Variants in PKNOX2 observed in about 807,000 individuals in gnomAD.
The protein encoded by PKNOX2 is PBX/knotted 1 homeobox 2.
Under a neutral mutation model 53.1 loss-of-function variants are expected in PKNOX2, and 14 were observed. The ratio of observed to expected loss-of-function variants is 0.26; its 90% confidence interval spans 0.17 to 0.41. The LOEUF (loss-of-function observed/expected upper bound fraction) is 0.41, where lower values mean the gene tolerates loss of function less well. Among genes scored for constraint, PKNOX2 ranks in the 10% least tolerant of loss-of-function variants. The pLI, the probability that PKNOX2 is intolerant of heterozygous loss-of-function variation, is 1.00. For missense variants in PKNOX2, 496 were observed against 602.8 expected (o/e 0.82, Z 1.85); for synonymous variants, 257 against 242.8 (o/e 1.06, Z -0.54).
chr11:125,404,920 C>T (rs1255352943), intron 7 of PKNOX2, among the ~76,000 whole-genome samples: 1 of 152,226 alleles, frequency 6.6e-6, no homozygotes, highest in Non-Finnish European at 1.5e-5. Context: ...TCAGGACAAG[C>T]TTTCCAGCAG....
intron 7 of PKNOX2, among the ~76,000 whole-genome samples, chr11:125,407,259 G>A (rs1252072776): frequency 1.3e-5 from 2 of 152,338 alleles, no homozygotes; most frequent in East Asian, 1.9e-4. Flanking sequence ...AATTGGCATG[G>A]AGGGTATCCA....
At position 125,431,599 on chromosome 11, in the gene PKNOX2, T is replaced by C; in HGVS notation, c.*207T>C. On this transcript the variant is annotated 3_prime_UTR_variant, in exon 13 of 13. Transcript: ENST00000298282. Reference sequence around the variant, plus strand: ...AATGAGGACCCCAGCCCCACTTCCCTGGAACTGCCGAGGACTCTGTTTGGC... The same window carrying C: ...AATGAGGACCCCAGCCCCACTTCCCCGGAACTGCCGAGGACTCTGTTTGGC... The C allele has an allele frequency of 1.7e-6, 1 of 604,020 alleles. No individual in the cohort carries two copies. The highest frequency in any genetic ancestry group is 3.0e-5 in the Admixed American group (1 of 32,980). The allele number at this position is 604,020 out of a possible 1,614,324, so 37.4% of individuals were successfully genotyped here. A position where few individuals can be genotyped will look rare whatever the true frequency, so the allele number is the denominator to read the frequency against.
chr11:125,431,671 A>C lies in PKNOX2; in HGVS notation c.*279A>C. 1 of 468,376 alleles carries C rather than the reference A, an allele frequency of 2.1e-6. No homozygotes were observed. 29.0% of individuals were successfully genotyped at this position (468,376 alleles called of 1,614,324 possible). ...GTGGAAAGACAGGAGTGAGATCTGGACTCACCAAATCCCTGAGGATAGATG... is the reference window on the plus strand; with the variant it reads ...GTGGAAAGACAGGAGTGAGATCTGGCCTCACCAAATCCCTGAGGATAGATG... On this transcript the variant is annotated 3_prime_UTR_variant, in exon 13 of 13. Transcript: ENST00000298282.
intron 7 of PKNOX2, among the ~76,000 whole-genome samples, chr11:125,405,928 T>A (rs904035169): frequency 6.6e-6 from 1 of 152,138 alleles, no homozygotes; most frequent in Non-Finnish European, 1.5e-5. Flanking sequence ...ACGAACAGAA[T>A]TCTTGGGCTG....
Position 125,179,278 on chromosome 11 carries a change from C to T in PKNOX2, c.-201+14502C>T, listed in dbSNP as rs531010262. ...TTCACAGTTAGATGGCGAACAGAGA[C>T]GTTACTTTTAAAAATCACACGAATA... On this transcript the variant is annotated intron_variant, in intron 1 of 12. Coordinates refer to ENST00000298282, the MANE Select transcript of PKNOX2 (RefSeq NM_001382323.2). 2.6e-5 allele frequency among the ~76,000 whole-genome samples: 4 copies of T among 152,220 alleles called. No individual in the cohort carries two copies. In the South Asian group the frequency reaches 6.2e-4, roughly 24 times the overall value.
chr11:125,248,896 T>A (rs1943775074), intron 2 of PKNOX2, among the ~76,000 whole-genome samples: 1 of 132,548 alleles, frequency 7.5e-6, no homozygotes, highest in African/African-American at 2.7e-5. Context: ...ACATATATAA[T>A]ATATATAACG....
At chr11:125,287,042 G>C (rs1048612167) in intron 2 of PKNOX2, among the ~76,000 whole-genome samples, 14 of 152,198 alleles carry the variant, frequency 9.2e-5, no homozygotes, top group South Asian at 6.2e-4. Flanking sequence ...TGAATTTGCC[G>C]CCTGAGGAGG....
intron 1 of PKNOX2, among the ~76,000 whole-genome samples, chr11:125,196,205 C>T (rs1434143774): frequency 1.3e-5 from 2 of 152,170 alleles, no homozygotes; most frequent in African/African-American, 4.8e-5. Context: ...TCAGCATGGT[C>T]ATTTTCCCAG....
At chr11:125,253,876 G>A (rs994095982) in intron 2 of PKNOX2, among the ~76,000 whole-genome samples, 5 of 152,052 alleles carry the variant, frequency 3.3e-5, no homozygotes, top group African/African-American at 4.8e-5. Flanking sequence ...CTCTTCCCAG[G>A]GACCCACTTG....
intron 2 of PKNOX2, among the ~76,000 whole-genome samples, chr11:125,303,761 G>C (rs1211669547): frequency 6.6e-6 from 1 of 152,172 alleles, no homozygotes; most frequent in Non-Finnish European, 1.5e-5. Context: ...GCACTAGAAA[G>C]TGACATAAAA....
At chr11:125,268,023 G>C (rs1380674393) in intron 2 of PKNOX2, among the ~76,000 whole-genome samples, 1 of 152,180 alleles carries the variant, frequency 6.6e-6, no homozygotes, top group African/African-American at 2.4e-5. Context: ...GAAATGTTGG[G>C]GCTTTGAGAA....
intron 1 of PKNOX2, among the ~76,000 whole-genome samples, chr11:125,226,136 A>G (rs1338289673): frequency 1.3e-5 from 2 of 152,186 alleles, no homozygotes; most frequent in Non-Finnish European, 2.9e-5. Flanking sequence ...TAATTATTTC[A>G]TTTCATTTTT....
At chr11:125,412,385 G>A (rs910735079) in intron 10 of PKNOX2, among the ~76,000 whole-genome samples, 14 of 152,196 alleles carry the variant, frequency 9.2e-5, no homozygotes, top group African/African-American at 3.4e-4. Flanking sequence ...TCAGCTCCAG[G>A]ACACAGCACT....
intron 1 of PKNOX2, among the ~76,000 whole-genome samples, chr11:125,201,124 C>T (rs1667703186): frequency 6.6e-6 from 1 of 152,190 alleles, no homozygotes; most frequent in Non-Finnish European, 1.5e-5. Flanking sequence ...ACCTTGGTTT[C>T]CATGAACCCT....
chr11:125,205,917 A>G (rs534801959), intron 1 of PKNOX2, among the ~76,000 whole-genome samples: 37 of 152,286 alleles, frequency 2.4e-4, no homozygotes, highest in Non-Finnish European at 4.3e-4. Context: ...ACAATGCAGG[A>G]GACATCACCT....
intron 5 of PKNOX2, among the ~76,000 whole-genome samples, chr11:125,373,725 C>T (rs1259640052): frequency 1.3e-5 from 2 of 152,200 alleles, no homozygotes; most frequent in African/African-American, 2.4e-5. Flanking sequence ...AACTGAGCTC[C>T]AGCATGCGTA....
intron 2 of PKNOX2, among the ~76,000 whole-genome samples, chr11:125,265,279 T>G (rs1433074655): frequency 1.3e-5 from 2 of 150,448 alleles, no homozygotes; most frequent in Non-Finnish European, 3.0e-5. Context: ...AGAGCGAGAC[T>G]CTGTCTCAAA....
At chr11:125,354,091 C>T (rs974928207) in intron 4 of PKNOX2, among the ~76,000 whole-genome samples, 2 of 152,222 alleles carry the variant, frequency 1.3e-5, no homozygotes, top group Non-Finnish European at 2.9e-5. Flanking sequence ...CCGTGCATGC[C>T]TGGCTGCTGG....
At chr11:125,183,043 C>A (rs966355513) in intron 1 of PKNOX2, among the ~76,000 whole-genome samples, 2 of 152,116 alleles carry the variant, frequency 1.3e-5, no homozygotes, top group African/African-American at 4.8e-5. Context: ...GACCTTGACG[C>A]CCAGGGAGGT....
Sources: allele counts gnomAD v4.1 joint callset (sites outside exome capture counted in the v4.1 genomes callset), GRCh38; gene constraint gnomAD v4.1.1; transcripts MANE v1.5; gene names NCBI Gene and HGNC (gene_info 2026-07-23, HGNC 2026-07-21).